RABEP1: variants seen among roughly 807,000 people sequenced by gnomAD.
RABEP1 encodes the protein rabaptin, RAB GTPase binding effector protein 1, also known as rab GTPase-binding effector protein 1.
RABEP1 carries 51 observed loss-of-function variants against 123.4 expected under a neutral mutation model. That is an observed-to-expected ratio of 0.41 (90% confidence interval 0.33 to 0.52). The LOEUF is 0.52. Among genes scored for constraint, RABEP1 ranks in the 20% least tolerant of loss-of-function variants. RABEP1 has a pLI of 0.16. For synonymous variants in RABEP1, 347 were observed against 355.2 expected (o/e 0.98, Z 0.26); for missense variants, 888 against 996.3 (o/e 0.89, Z 1.46).
chr17:5,315,518 G>C lies in RABEP1; in HGVS notation c.163+6696G>C, dbSNP rs2075286834. ...AGATTTTTACTAATAAAAAATGTGA[G>C]TCCTTAACATAAATACTGAGTACCA... On this transcript the variant is annotated intron_variant, in intron 2 of 17. Coordinates refer to ENST00000537505, the MANE Select transcript of RABEP1 (RefSeq NM_004703.6). Among the ~76,000 whole-genome samples the C allele has an allele frequency of 7.9e-5, 12 of 152,328 alleles. 1 individual carries two copies. The South Asian group carries it at 2.5e-3, about 32-fold the overall frequency.
Position 5,329,171 on chromosome 17 carries a change from G to A in RABEP1, c.164-2778G>A, listed in dbSNP as rs938694561. Among the ~76,000 whole-genome samples, 11 of 152,076 alleles carry A rather than the reference G, an allele frequency of 7.2e-5. No homozygotes were observed. The South Asian group carries it at 1.5e-3, about 20-fold the overall frequency. ...TTTTAGAGATGCATCTGTACAGTAC[G>A]TTAGATAATGTAGTATTTCTGGGGC... On this transcript the variant is annotated intron_variant, in intron 2 of 17. Coordinates refer to ENST00000537505, the MANE Select transcript of RABEP1 (RefSeq NM_004703.6).
chr17:5,361,225 C>T lies in RABEP1; in HGVS notation c.1113C>T (p.Thr371=). ...CATTTCAGGAGCATTTAGACAGCAC[C>T]CGTGGCTCAGTTCATTCCTTAGATG... ...LSNEEEHLDS[T]RGSVHSLDAG... is the part of the protein sequence containing the mutation. Residue 371 remains threonine (T), a synonymous_variant, in exon 9 of 18, where the codon ACC becomes ACT. Coordinates refer to ENST00000537505, the MANE Select transcript of RABEP1 (RefSeq NM_004703.6). 3 of 1,613,864 alleles carry T rather than the reference C, an allele frequency of 1.9e-6. No individual in the cohort carries two copies. The highest frequency in any genetic ancestry group is 1.1e-5 in the South Asian group (1 of 91,046).
At position 5,308,222 on chromosome 17, in the gene RABEP1, A is replaced by G. The variant is rs912720020; in HGVS notation, c.35-472A>G. 2.1e-4 allele frequency among the ~76,000 whole-genome samples: 28 copies of G among 135,902 alleles called. 1 individual carries two copies. The highest frequency in any genetic ancestry group is 1.9e-4 in the Non-Finnish European group (12 of 63,416). 89.2% of individuals were successfully genotyped at this position (135,902 alleles called of 152,430 possible). A position where few individuals can be genotyped will look rare whatever the true frequency, so the allele number is the denominator to read the frequency against. ...TACAGTTGTGTATTAAGTCTAATAC[A>G]AGGATCTTTTTTTTTTTTTTTGAGA... On this transcript the variant is annotated intron_variant, in intron 1 of 17. Transcript: ENST00000537505.
chr17:5,297,220 A>G (rs983987539), intron 1 of RABEP1, among the ~76,000 whole-genome samples: 4 of 152,204 alleles, frequency 2.6e-5, no homozygotes, highest in African/African-American at 4.8e-5. Context: ...GTTTATGACA[A>G]AATGCTTTAG....
chr17:5,316,843 A>G (rs1050515945), intron 2 of RABEP1, among the ~76,000 whole-genome samples: 1 of 151,068 alleles, frequency 6.6e-6, no homozygotes, highest in African/African-American at 2.4e-5. Context: ...AAAAAAAAAA[A>G]AAAAAAAAAA....
intron 1 of RABEP1, among the ~76,000 whole-genome samples, chr17:5,291,728 G>T (rs1195721558): frequency 6.6e-6 from 1 of 152,104 alleles, no homozygotes; most frequent in South Asian, 2.1e-4. Context: ...CCAACATGGC[G>T]AAATTCCGTT....
chr17:5,333,373 A>G (rs1161380633), intron 3 of RABEP1, among the ~76,000 whole-genome samples: 1 of 151,900 alleles, frequency 6.6e-6, no homozygotes, highest in African/African-American at 2.4e-5. Flanking sequence ...CATGTTAGCC[A>G]GGATGGTCTC....
rs1475488920 is a variant in RABEP1, at chr17:5,344,803, C to CAGGTAAA, written c.649-1986_649-1980dup. Among the ~76,000 whole-genome samples the CAGGTAAA allele has an allele frequency of 6.2e-5, 6 of 96,888 alleles. No individual in the cohort carries two copies. In the East Asian group the frequency reaches 2.1e-3, roughly 33 times the overall value. 63.6% of individuals were successfully genotyped at this position (96,888 alleles called of 152,430 possible). A position where few individuals can be genotyped will look rare whatever the true frequency, so the allele number is the denominator to read the frequency against. On this transcript the variant is annotated intron_variant, in intron 5 of 17. Transcript: ENST00000537505. ...AAAAAAAAAAAAAAAAAAGGAAAAA[C>CAGGTAAA]AGGTAAAGTATAGCTAGGTGGCGCA...
chr17:5,363,000 C>T lies in RABEP1; in HGVS notation c.1652C>T (p.Ala551Val). The T allele has an allele frequency of 5.6e-6, 9 of 1,612,160 alleles. No homozygotes were observed. The highest frequency in any genetic ancestry group is 7.6e-6 in the Non-Finnish European group (9 of 1,178,242). Residue 551 changes from alanine (A) to valine (V), a missense_variant, in exon 10 of 18, where the codon GCT becomes GTT. Physicochemically the swap from Ala to Val is moderately conservative, Grantham distance 64. Coordinates refer to ENST00000537505, the MANE Select transcript of RABEP1 (RefSeq NM_004703.6). ...KQLQGIQIQE[A>V]ETRDQVKKLQ... ...TTACAAGGAATTCAGATTCAGGAGG[C>T]TGAAACGAGAGACCAGGTGAGTTTC...
chr17:5,378,269 C>T (rs749606376), intron 15 of RABEP1, 37 bp downstream of exon 15: 11 of 1,512,824 alleles, frequency 7.3e-6, no homozygotes, highest in Admixed American at 1.7e-5. Context: ...TATCAGCAAC[C>T]AGTGGTTATT....
At chr17:5,374,493 G>A (rs1910816528) in intron 13 of RABEP1, among the ~76,000 whole-genome samples, 1 of 150,840 alleles carries the variant, frequency 6.6e-6, no homozygotes, top group African/African-American at 2.4e-5. Context: ...CTGGAGTGCA[G>A]TGGTGTGATC....
intron 3 of RABEP1, among the ~76,000 whole-genome samples, chr17:5,332,596 A>ATTT (rs553120401): frequency 0.12 from 12,922 of 105,250 alleles, 808 homozygotes; most frequent in East Asian, 0.19. Flanking sequence ...ACGTTTTAGA[A>ATTT]TTTTTTTTTT....
intron 1 of RABEP1, among the ~76,000 whole-genome samples, chr17:5,294,056 A>G (rs2075057635): frequency 1.3e-5 from 2 of 152,328 alleles, no homozygotes; most frequent in South Asian, 4.1e-4. Flanking sequence ...AACAGTCAGC[A>G]AAGACAGTTT....
intron 12 of RABEP1, among the ~76,000 whole-genome samples, chr17:5,370,719 T>C (rs1376709044): frequency 6.6e-6 from 1 of 152,338 alleles, no homozygotes; most frequent in African/African-American, 2.4e-5. Context: ...TGATGGGTGC[T>C]TCCATTACTG....
At chr17:5,309,064 A>G (rs1181072576) in intron 2 of RABEP1, among the ~76,000 whole-genome samples, 1 of 152,228 alleles carries the variant, frequency 6.6e-6, no homozygotes, top group Non-Finnish European at 1.5e-5. Flanking sequence ...CATAGCCTTG[A>G]GATAAGAGAA....
intron 11 of RABEP1, among the ~76,000 whole-genome samples, chr17:5,366,869 T>C (rs971694597): frequency 9.9e-5 from 15 of 151,626 alleles, no homozygotes; most frequent in Admixed American, 2.6e-4. Context: ...GCGGGCAGAT[T>C]ACCTGAGGTC....
intron 14 of RABEP1, among the ~76,000 whole-genome samples, chr17:5,377,520 A>AT (rs960634048): frequency 0.027 from 2,645 of 99,626 alleles, 48 homozygotes; most frequent in African/African-American, 0.069. Context: ...TATTTAAAAA[A>AT]TTTTTTTTTT....
intron 13 of RABEP1, among the ~76,000 whole-genome samples, chr17:5,374,788 G>T (rs1910851539): frequency 6.6e-6 from 1 of 152,152 alleles, no homozygotes; most frequent in African/African-American, 2.4e-5. Context: ...ACAGGCGCGT[G>T]CCACTGTGCC....
intron 1 of RABEP1, among the ~76,000 whole-genome samples, chr17:5,298,718 A>G (rs2075105831): frequency 6.9e-6 from 1 of 144,324 alleles, no homozygotes; most frequent in Non-Finnish European, 1.5e-5. Flanking sequence ...TGCAGTAGCG[A>G]GATCTCAGCT....
Sources: allele counts gnomAD v4.1 joint callset (sites outside exome capture counted in the v4.1 genomes callset), GRCh38; gene constraint gnomAD v4.1.1; transcripts MANE v1.5; gene names NCBI Gene and HGNC (gene_info 2026-07-23, HGNC 2026-07-21).